The following MRPL3 variants were observed in gnomAD, a reference collection of about 807,000 sequenced individuals.
The protein encoded by MRPL3 is large ribosomal subunit protein uL3m.
Under a neutral mutation model 44.3 loss-of-function variants are expected in MRPL3, and 43 were observed. That is an observed-to-expected ratio of 0.97 (90% confidence interval 0.76 to 1.25). MRPL3 has a LOEUF of 1.25. MRPL3 is among the 50% of genes most tolerant of loss of function. The pLI is 0.00. For missense variants in MRPL3, 406 were observed against 427.6 expected, an observed-to-expected ratio of 0.95 and a Z score of 0.45; for synonymous variants, 171 against 152.3, an observed-to-expected ratio of 1.12 and a Z score of -0.91.
chr3:131,487,448 TAA>T (rs78929649), intron 6 of MRPL3: 1 of 381,610 alleles, frequency 2.6e-6, no homozygotes, highest in Non-Finnish European at 4.7e-6. Context: ...TAAAGTATAA[TAA>T]AAAAAAAACA....
intron 2 of MRPL3, 54 bp downstream of exon 2, chr3:131,501,477 G>T: frequency 7.2e-7 from 1 of 1,381,724 alleles, no homozygotes; most frequent in Non-Finnish European, 1.0e-6. Context: ...TTTTAAATGT[G>T]TCCAGCCACA....
At position 131,462,852 on chromosome 3, in the gene MRPL3, T is replaced by C. The variant is rs3805089; in HGVS notation, c.918A>G (p.Ala306=). ...GTAGATTTTTACCGAGATCCTTATATGCAGGCAGTTTAGAATCTTTGACCT... is the reference window on the plus strand; with the variant it reads ...GTAGATTTTTACCGAGATCCTTATACGCAGGCAGTTTAGAATCTTTGACCT... ...LVKVKDSKLP[A]YKDLGKNLPF... is the part of the protein sequence containing the mutation. The change falls in exon 10 of 10, where the codon GCA becomes GCG. Residue 306 remains alanine, a synonymous_variant. Coordinates refer to ENST00000264995, the MANE Select transcript of MRPL3 (RefSeq NM_007208.4). The C allele has an allele frequency of 1.1e-4, 181 of 1,611,928 alleles. 1 individual carries two copies. In the East Asian group the frequency reaches 3.8e-3, roughly 34 times the overall value.
intron 4 of MRPL3, among the ~76,000 whole-genome samples, chr3:131,495,533 TCCA>T (rs1215448566): frequency 6.6e-6 from 1 of 152,088 alleles, no homozygotes; most frequent in Non-Finnish European, 1.5e-5. Context: ...TGGGTCAAAA[TCCA>T]CCACAACATT....
chr3:131,484,867 T>C (rs528913365), intron 6 of MRPL3, among the ~76,000 whole-genome samples: 1 of 152,330 alleles, frequency 6.6e-6, no homozygotes, highest in Non-Finnish European at 1.5e-5. Flanking sequence ...CAATTCATTC[T>C]CATGTAAGTA....
At chr3:131,487,595 T>G in intron 6 of MRPL3, 85 bp downstream of exon 6, 1 of 1,060,744 alleles carries the variant, frequency 9.4e-7, no homozygotes, top group Non-Finnish European at 1.4e-6. Context: ...TTCACTGACT[T>G]GAAAGACTGT....
chr3:131,479,387 T>G (rs1933926021), intron 6 of MRPL3, among the ~76,000 whole-genome samples: 1 of 152,168 alleles, frequency 6.6e-6, no homozygotes, highest in Non-Finnish European at 1.5e-5. Flanking sequence ...ATTTTTAAAA[T>G]TTAATAAATA....
Position 131,487,283 on chromosome 3 carries a change from C to T in MRPL3, c.629+397G>A, listed in dbSNP as rs146165969. On this transcript the variant is annotated intron_variant, in intron 6 of 9. Transcript: ENST00000264995. ...CTTGGACACAGGGCGGGGAACATCACACACCAGGCCCTGTCAGCGGTGAGG... is the reference window on the plus strand; with the variant it reads ...CTTGGACACAGGGCGGGGAACATCATACACCAGGCCCTGTCAGCGGTGAGG... The T allele has an allele frequency of 9.3e-3, 1,618 of 173,842 alleles. 26 individuals are homozygous for T. The highest frequency in any genetic ancestry group is 0.035 in the African/African-American group (1,470 of 41,660). The allele number at this position is 173,842 out of a possible 1,614,324, so 10.8% of individuals were successfully genotyped here.
intron 6 of MRPL3, among the ~76,000 whole-genome samples, chr3:131,472,791 A>G (rs1490072148): frequency 1.3e-5 from 2 of 152,182 alleles, no homozygotes; most frequent in African/African-American, 4.8e-5. Flanking sequence ...TATCTGAAAA[A>G]AAAATCAAGA....
intron 6 of MRPL3, among the ~76,000 whole-genome samples, chr3:131,482,722 T>G (rs543438304): frequency 1.3e-5 from 2 of 151,098 alleles, no homozygotes; most frequent in South Asian, 4.1e-4. Flanking sequence ...AAAAACATTT[T>G]AAGTACCTGA....
intron 4 of MRPL3, among the ~76,000 whole-genome samples, chr3:131,492,551 T>A (rs1479929350): frequency 3.3e-5 from 5 of 152,104 alleles, no homozygotes; most frequent in Admixed American, 3.3e-4. Flanking sequence ...TGCGCTCCTA[T>A]AAGAATCTAA....
intron 1 of MRPL3, 27 bp from the exon 2 acceptor site, chr3:131,501,742 C>A: frequency 6.3e-7 from 1 of 1,593,746 alleles, no homozygotes; most frequent in Admixed American, 1.8e-5. Flanking sequence ...TAAATAAAAC[C>A]AAACCACAAT....
At chr3:131,487,640 T>A in intron 6 of MRPL3, 40 bp downstream of exon 6, 1 of 1,498,200 alleles carries the variant, frequency 6.7e-7, no homozygotes, top group Non-Finnish European at 9.2e-7. Context: ...TTTTAATAGA[T>A]GAAAACAAAA....
rs919277945 is a variant in MRPL3, at chr3:131,483,378, T to C, written c.629+4302A>G. Among the ~76,000 whole-genome samples, 3 of 152,174 alleles carry C rather than the reference T, an allele frequency of 2.0e-5. No homozygotes were observed. The South Asian group carries it at 6.2e-4, about 31-fold the overall frequency. ...CTATTGATAGTATAATAAAACTATG[T>C]AAAAATGTTCTGCTAGGCAGTTTTA... On this transcript the variant is annotated intron_variant, in intron 6 of 9. Coordinates refer to ENST00000264995, the MANE Select transcript of MRPL3 (RefSeq NM_007208.4).
intron 1 of MRPL3, among the ~76,000 whole-genome samples, chr3:131,502,188 T>C (rs1198617686): frequency 6.6e-6 from 1 of 152,158 alleles, no homozygotes; most frequent in Non-Finnish European, 1.5e-5. Flanking sequence ...TCTGAACAGG[T>C]GAACATACCA....
chr3:131,494,102 G>A (rs1184323161), intron 4 of MRPL3, among the ~76,000 whole-genome samples: 1 of 152,180 alleles, frequency 6.6e-6, no homozygotes, highest in East Asian at 1.9e-4. Flanking sequence ...CAACTTACCA[G>A]GAATCCCCCT....
chr3:131,489,897 T>C, intron 5 of MRPL3, 84 bp downstream of exon 5: 1 of 767,852 alleles, frequency 1.3e-6, no homozygotes, highest in Non-Finnish European at 2.2e-6. Flanking sequence ...GCATTTTAGA[T>C]GTAGCTTTAT....
chr3:131,479,036 C>A, intron 6 of MRPL3: 1 of 440,288 alleles, frequency 2.3e-6, no homozygotes, highest in Admixed American at 2.6e-5. Flanking sequence ...AATCCATACT[C>A]TAAGTAGAGG....
At chr3:131,480,076 AT>A (rs1236480958) in intron 6 of MRPL3, among the ~76,000 whole-genome samples, 2 of 152,242 alleles carry the variant, frequency 1.3e-5, no homozygotes, top group African/African-American at 4.8e-5. Flanking sequence ...TAAAAGGCTT[AT>A]TAGCTAGCTG....
At chr3:131,483,990 A>C (rs1934055056) in intron 6 of MRPL3, among the ~76,000 whole-genome samples, 1 of 152,228 alleles carries the variant, frequency 6.6e-6, no homozygotes, top group Non-Finnish European at 1.5e-5. Context: ...TTTTCTAATG[A>C]AAAGATAATG....
Sources: gnomAD v4.1 joint callset for allele counts (sites outside exome capture counted in the v4.1 genomes callset) on GRCh38, gnomAD v4.1.1 for gene constraint, MANE v1.5 for transcripts, NCBI Gene and HGNC (gene_info 2026-07-23, HGNC 2026-07-21) for gene names.